Variants in LPP observed in about 807,000 individuals in gnomAD.
LPP encodes lipoma-preferred partner.
In LPP, 38 loss-of-function variants were observed where a neutral mutation model predicts 60.4. The observed-to-expected ratio is 0.63, with a 90% CI of 0.49 to 0.83. The LOEUF is 0.83. Among genes scored for constraint, LPP ranks in the 40% least tolerant of loss-of-function variants. The pLI is 0.00. For missense variants in LPP, 902 were observed against 783.6 expected, an observed-to-expected ratio of 1.15 and a Z score of -1.80; for synonymous variants, 328 against 290.8, an observed-to-expected ratio of 1.13 and a Z score of -1.30.
At chr3:188,241,392 T>G (rs1724759343) in intron 2 of LPP, among the ~76,000 whole-genome samples, 1 of 152,208 alleles carries the variant, frequency 6.6e-6, no homozygotes, top group Admixed American at 6.5e-5. Flanking sequence ...GTGTTAGGGA[T>G]TTAAGCATCT....
intron 6 of LPP, among the ~76,000 whole-genome samples, chr3:188,583,839 C>A (rs1836818328): frequency 6.6e-6 from 1 of 152,076 alleles, no homozygotes. Flanking sequence ...CCCTAGGAAC[C>A]AGACTGCTTC....
At chr3:188,277,587 G>T (rs1740437115) in intron 2 of LPP, among the ~76,000 whole-genome samples, 1 of 152,066 alleles carries the variant, frequency 6.6e-6, no homozygotes, top group Admixed American at 6.5e-5. Flanking sequence ...AGATTTAATA[G>T]AACTTTCTGT....
At chr3:188,404,137 G>C (rs1163999876) in intron 3 of LPP, among the ~76,000 whole-genome samples, 2 of 152,134 alleles carry the variant, frequency 1.3e-5, no homozygotes, top group East Asian at 3.9e-4. Context: ...AAGAATAGAG[G>C]CTTCTTTTTT....
intron 1 of LPP, among the ~76,000 whole-genome samples, chr3:188,206,595 C>T (rs1733292203): frequency 6.6e-6 from 1 of 152,078 alleles, no homozygotes; most frequent in African/African-American, 2.4e-5. Context: ...ATTTCAGAGA[C>T]AGTTATTTTT....
At chr3:188,199,953 G>T (rs1577244715) in intron 1 of LPP, among the ~76,000 whole-genome samples, 1 of 151,992 alleles carries the variant, frequency 6.6e-6, no homozygotes, top group Non-Finnish European at 1.5e-5. Flanking sequence ...GACCTCAGGT[G>T]ATCCTCCCAA....
At chr3:188,793,132 T>C (rs1296181336) in intron 9 of LPP, among the ~76,000 whole-genome samples, 1 of 151,242 alleles carries the variant, frequency 6.6e-6, no homozygotes, top group East Asian at 1.9e-4. Flanking sequence ...TACGTATCAG[T>C]CTAGAAGGAA....
intron 6 of LPP, among the ~76,000 whole-genome samples, chr3:188,527,659 C>T (rs1327777470): frequency 2.0e-5 from 3 of 151,968 alleles, no homozygotes; most frequent in Non-Finnish European, 4.4e-5. Flanking sequence ...AGCAAATGCC[C>T]CAAATCTCAT....
At chr3:188,433,130 C>A (rs1791369248) in intron 4 of LPP, among the ~76,000 whole-genome samples, 1 of 152,058 alleles carries the variant, frequency 6.6e-6, no homozygotes, top group African/African-American at 2.4e-5. Context: ...CTGTTTACCT[C>A]TAAAATGAAA....
intron 7 of LPP, among the ~76,000 whole-genome samples, chr3:188,704,131 G>A (rs1275976862): frequency 1.3e-5 from 2 of 151,968 alleles, no homozygotes; most frequent in Admixed American, 1.3e-4. Flanking sequence ...AAAATGCATG[G>A]CACTTGGAGA....
intron 2 of LPP, among the ~76,000 whole-genome samples, chr3:188,252,622 T>C (rs1014029551): frequency 6.6e-6 from 1 of 152,160 alleles, no homozygotes; most frequent in African/African-American, 2.4e-5. Context: ...GCCAATTTGA[T>C]GGATGAGAAG....
At chr3:188,573,316 G>T (rs972040854) in intron 6 of LPP, among the ~76,000 whole-genome samples, 1 of 152,134 alleles carries the variant, frequency 6.6e-6, no homozygotes, top group African/African-American at 2.4e-5. Flanking sequence ...GTAAAAGGAA[G>T]ATACAAATAT....
intron 2 of LPP, among the ~76,000 whole-genome samples, chr3:188,335,459 A>G (rs748316399): frequency 3.3e-5 from 5 of 152,182 alleles, no homozygotes; most frequent in Non-Finnish European, 7.3e-5. Flanking sequence ...GGATTTTTGC[A>G]TCTATGTTCA....
At chr3:188,553,147 A>G (rs1426570586) in intron 6 of LPP, among the ~76,000 whole-genome samples, 2 of 152,206 alleles carry the variant, frequency 1.3e-5, no homozygotes, top group African/African-American at 4.8e-5. Flanking sequence ...TGTGGTACCC[A>G]ACCATCCTTC....
At chr3:188,767,260 T>A (rs1477982828) in intron 9 of LPP, among the ~76,000 whole-genome samples, 1 of 152,174 alleles carries the variant, frequency 6.6e-6, no homozygotes. Flanking sequence ...ACAATATTCA[T>A]AGAAGAAAAG....
intron 7 of LPP, among the ~76,000 whole-genome samples, chr3:188,664,617 C>CTGTG (rs750223155): frequency 8.6e-4 from 127 of 147,262 alleles, no homozygotes; most frequent in Non-Finnish European, 1.4e-3. Flanking sequence ...GTGTGTGTGT[C>CTGTG]TGTGTGTGTG....
In LPP at chr3:188,882,259, A is replaced by G. The variant is rs1770120702; in HGVS notation, c.*7780A>G. 1 of 221,480 alleles carries G rather than the reference A, an allele frequency of 4.5e-6. No homozygotes were observed. 13.7% of individuals were successfully genotyped at this position (221,480 alleles called of 1,614,324 possible). A position where few individuals can be genotyped will look rare whatever the true frequency, so the allele number is the denominator to read the frequency against. On this transcript the variant is annotated 3_prime_UTR_variant, in exon 12 of 12. Transcript: ENST00000617246. Reference sequence around the variant, plus strand: ...TTTGACTTGATTTAGAAGTTGAGAAAAGAGTATTTAAGGCACAACAGGGAA... The same window carrying G: ...TTTGACTTGATTTAGAAGTTGAGAAGAGAGTATTTAAGGCACAACAGGGAA...
At chr3:188,858,277 A>AT (rs887153741) in intron 9 of LPP, among the ~76,000 whole-genome samples, 9 of 152,132 alleles carry the variant, frequency 5.9e-5, no homozygotes, top group Admixed American at 2.0e-4. Context: ...GTCTTCTCTG[A>AT]TATGTTCATT....
At chr3:188,242,428 C>T (rs1725315410) in intron 2 of LPP, among the ~76,000 whole-genome samples, 1 of 151,990 alleles carries the variant, frequency 6.6e-6, no homozygotes, top group South Asian at 2.1e-4. Context: ...AAAAAAACCA[C>T]ACACATTGAA....
Position 188,877,531 on chromosome 3 carries a change from G to A in LPP, c.*3052G>A, listed in dbSNP as rs1769392169. The A allele has an allele frequency of 5.3e-6, 1 of 187,140 alleles. No individual in the cohort carries two copies. The highest frequency in any genetic ancestry group is 2.3e-5 in the African/African-American group (1 of 42,766). The allele number at this position is 187,140 out of a possible 1,614,324, so 11.6% of individuals were successfully genotyped here. A position where few individuals can be genotyped will look rare whatever the true frequency, so the allele number is the denominator to read the frequency against. ...ACTGACTCAACATGGAGTCTCACTG[G>A]CCAAGAAAATTGCCTTTAAAACTCG... On this transcript the variant is annotated 3_prime_UTR_variant, in exon 12 of 12. Transcript: ENST00000617246.
Sources: gnomAD v4.1 joint callset for allele counts (sites outside exome capture counted in the v4.1 genomes callset) on GRCh38, gnomAD v4.1.1 for gene constraint, MANE v1.5 for transcripts, NCBI Gene and HGNC (gene_info 2026-07-23, HGNC 2026-07-21) for gene names.